The following BICDL1 variants were observed in gnomAD, a reference collection of about 807,000 sequenced individuals.
BICDL1 encodes BICD family like cargo adaptor 1.
Under a neutral mutation model 76.8 loss-of-function variants are expected in BICDL1, and 20 were observed. The ratio of observed to expected loss-of-function variants is 0.26; its 90% confidence interval spans 0.18 to 0.38. BICDL1 has a LOEUF of 0.38. Among genes scored for constraint, BICDL1 ranks in the 10% least tolerant of loss-of-function variants. The probability of loss-of-function intolerance (pLI) is 1.00; values close to 1 mark genes in which losing one functional copy is unlikely to be tolerated. For missense variants in BICDL1, 700 were observed against 798.6 expected, an observed-to-expected ratio of 0.88 and a Z score of 1.49; for synonymous variants, 383 against 337.1, an observed-to-expected ratio of 1.14 and a Z score of -1.49.
At chr12:120,017,647 A>G (rs1223995776) in intron 2 of BICDL1, among the ~76,000 whole-genome samples, 1 of 152,000 alleles carries the variant, frequency 6.6e-6, no homozygotes, top group African/African-American at 2.4e-5. Context: ...CAAGAGGATC[A>G]CTTGAGCCCA....
intron 2 of BICDL1, among the ~76,000 whole-genome samples, chr12:120,000,068 A>T (rs1030731509): frequency 2.0e-5 from 3 of 152,212 alleles, no homozygotes; most frequent in Non-Finnish European, 4.4e-5. Context: ...GAGACCAGTG[A>T]AAAAACGTGT....
At position 120,072,367 on chromosome 12, in the gene BICDL1, T is replaced by TA. The variant is rs11340414; in HGVS notation, c.1090-134dup. On this transcript the variant is annotated intron_variant, in intron 5 of 9. Coordinates refer to ENST00000548673, the MANE Select transcript of BICDL1 (RefSeq NM_001367886.1). ...GTATTATTTCTTGGGACAAATGAGT[T>TA]AAAAAAAAAACACAGAACAAAAAAC... The TA allele has an allele frequency of 8.2e-3, 4,972 of 604,060 alleles. 7 individuals carry two copies. Among genetic ancestry groups the TA allele is most frequent in the African/African-American group, 0.019 (1,027 of 53,072 alleles). 37.4% of individuals were successfully genotyped at this position (604,060 alleles called of 1,614,324 possible).
intron 4 of BICDL1, among the ~76,000 whole-genome samples, chr12:120,067,496 T>C (rs562981519): frequency 5.5e-4 from 84 of 152,372 alleles, no homozygotes; most frequent in African/African-American, 1.9e-3. Flanking sequence ...CTTTGTCATA[T>C]AAAGGATGAT....
At chr12:120,021,586 C>CAAA (rs145151630) in intron 2 of BICDL1, among the ~76,000 whole-genome samples, 3,561 of 45,984 alleles carry the variant, frequency 0.077, 174 homozygotes, top group Non-Finnish European at 0.093. Flanking sequence ...GACTCCATCT[C>CAAA]AAAAAAAAAA....
rs1952716336 is a variant in BICDL1 at position 120,044,948 on chromosome 12, T to G, written c.646-16762T>G. On this transcript the variant is annotated intron_variant, in intron 2 of 9. Coordinates refer to ENST00000548673, the MANE Select transcript of BICDL1 (RefSeq NM_001367886.1). ...GTTTTTTCCAATTCTGTGAAGAAAG[T>G]CATTGGTAGCTTGATGGGGATGGCA... 2.0e-5 allele frequency among the ~76,000 whole-genome samples: 3 copies of G among 152,216 alleles called. No homozygotes were observed. The South Asian group carries it at 6.2e-4, about 32-fold the overall frequency.
intron 8 of BICDL1, among the ~76,000 whole-genome samples, chr12:120,082,260 C>CT (rs148148001): frequency 0.088 from 13,365 of 151,172 alleles, 732 homozygotes; most frequent in African/African-American, 0.15. Context: ...TAAACTAGGT[C>CT]TTTTTTTTTG....
chr12:120,055,157 C>G (rs1952948014), intron 2 of BICDL1, among the ~76,000 whole-genome samples: 1 of 152,178 alleles, frequency 6.6e-6, no homozygotes, highest in Non-Finnish European at 1.5e-5. Context: ...GAGAATTTCT[C>G]TCTTAAGGTA....
intron 2 of BICDL1, among the ~76,000 whole-genome samples, chr12:120,035,229 G>A (rs1417218619): frequency 1.3e-5 from 2 of 152,140 alleles, no homozygotes; most frequent in African/African-American, 2.4e-5. Flanking sequence ...CCAGCTACTC[G>A]GGAGGCTGAG....
chr12:120,089,855 C>T, intron 8 of BICDL1, 96 bp from the exon 9 acceptor site: 3 of 1,460,774 alleles, frequency 2.1e-6, no homozygotes, highest in African/African-American at 1.4e-5. Context: ...GGGTCAGAGC[C>T]TGTTTCCTCA....
intron 2 of BICDL1, among the ~76,000 whole-genome samples, chr12:120,024,663 T>C (rs1952251504): frequency 6.6e-6 from 1 of 151,034 alleles, no homozygotes; most frequent in Non-Finnish European, 1.5e-5. Context: ...CTCTCAAATA[T>C]AATAATTTAT....
intron 2 of BICDL1, among the ~76,000 whole-genome samples, chr12:120,018,258 T>C (rs1274281787): frequency 6.6e-6 from 1 of 152,196 alleles, no homozygotes; most frequent in Non-Finnish European, 1.5e-5. Context: ...AAGATGAGAA[T>C]TACCATTCTA....
intron 2 of BICDL1, among the ~76,000 whole-genome samples, chr12:120,024,390 T>C (rs1839321615): frequency 6.6e-6 from 1 of 152,148 alleles, no homozygotes; most frequent in Non-Finnish European, 1.5e-5. Flanking sequence ...GATTAGACAT[T>C]ACAAGAGAAA....
At chr12:120,002,659 C>A (rs1020160118) in intron 2 of BICDL1, among the ~76,000 whole-genome samples, 2 of 152,114 alleles carry the variant, frequency 1.3e-5, no homozygotes, top group Non-Finnish European at 2.9e-5. Context: ...TTTAGATCTT[C>A]TTTAATTCAA....
At chr12:120,024,681 C>G (rs1161701406) in intron 2 of BICDL1, among the ~76,000 whole-genome samples, 2 of 150,428 alleles carry the variant, frequency 1.3e-5, no homozygotes, top group Non-Finnish European at 3.0e-5. Flanking sequence ...TATTTAAATC[C>G]TCTTTCTTTC....
chr12:119,999,575 A>G (rs1181107070), intron 2 of BICDL1, among the ~76,000 whole-genome samples: 2 of 152,224 alleles, frequency 1.3e-5, no homozygotes, highest in Admixed American at 1.3e-4. Flanking sequence ...TTTAGTAAAC[A>G]TTCTTTATTT....
Position 120,061,820 on chromosome 12 carries a change from G to A in BICDL1, c.756G>A (p.Gln252=). 1 of 1,612,960 alleles carries A rather than the reference G, an allele frequency of 6.2e-7. No individual in the cohort carries two copies. Among genetic ancestry groups the A allele is most frequent in the South Asian group, 1.1e-5 (1 of 91,038 alleles). Reference sequence around the variant, plus strand: ...ACATTATCCGGCTGGAGAGCCTTCAGGCCGAGGTGAGCCTCCCGACACAGC... The same window carrying A: ...ACATTATCCGGCTGGAGAGCCTTCAAGCCGAGGTGAGCCTCCCGACACAGC... ...NQHIIRLESL[Q]AEIKMLSDRK... Residue 252 remains glutamine, a synonymous_variant, in exon 3 of 10, where the codon CAG becomes CAA. Coordinates refer to ENST00000548673, the MANE Select transcript of BICDL1 (RefSeq NM_001367886.1).
intron 1 of BICDL1, 150 bp downstream of exon 1, chr12:119,990,447 AT>A (rs770473371): frequency 3.6e-5 from 51 of 1,427,262 alleles, no homozygotes; most frequent in Non-Finnish European, 4.3e-5. Context: ...AGGATGGAGG[AT>A]TATCAGATTT....
chr12:120,053,414 AGG>A (rs1326554247), intron 2 of BICDL1, among the ~76,000 whole-genome samples: 1 of 152,168 alleles, frequency 6.6e-6, no homozygotes, highest in Non-Finnish European at 1.5e-5. Flanking sequence ...TTATCCTGTA[AGG>A]GAGAAGAGCC....
At chr12:120,025,046 TTTC>T (rs1212127362) in intron 2 of BICDL1, among the ~76,000 whole-genome samples, 4 of 139,916 alleles carry the variant, frequency 2.9e-5, no homozygotes, top group African/African-American at 5.7e-5. Context: ...TTATACTTTC[TTTC>T]TTTTTTTTTT....
Sources: allele counts gnomAD v4.1 joint callset (sites outside exome capture counted in the v4.1 genomes callset), GRCh38; gene constraint gnomAD v4.1.1; transcripts MANE v1.5; gene names NCBI Gene and HGNC (gene_info 2026-07-23, HGNC 2026-07-21).